The following MSI1 variants were observed in gnomAD, a reference collection of about 807,000 sequenced individuals.
The protein encoded by MSI1 is musashi RNA binding protein 1, also known as RNA-binding protein Musashi homolog 1.
Under a neutral mutation model 54.4 loss-of-function variants are expected in MSI1, and 15 were observed. The ratio of observed to expected loss-of-function variants is 0.28; its 90% CI spans 0.18 to 0.42. MSI1 has a LOEUF of 0.42. MSI1 is among the 20% of genes least tolerant of loss of function. The pLI is 1.00. For missense variants in MSI1, 304 were observed against 506.0 expected (o/e 0.60, Z 3.83); for synonymous variants, 200 against 196.5 (o/e 1.02, Z -0.15).
At chr12:120,355,344 C>T (rs1275724209) in intron 9 of MSI1, among the ~76,000 whole-genome samples, 1 of 149,512 alleles carries the variant, frequency 6.7e-6, no homozygotes, top group African/African-American at 2.5e-5. Flanking sequence ...GGCGGAGCTT[C>T]CAGTGAGCCA....
intron 12 of MSI1, 118 bp downstream of exon 12, chr12:120,347,328 T>C: frequency 2.5e-6 from 3 of 1,202,572 alleles, no homozygotes; most frequent in South Asian, 1.3e-5. Flanking sequence ...CAGGTGATAC[T>C]TGAGTGAATG....
chr12:120,357,286 G>A (rs1042102617), intron 8 of MSI1, among the ~76,000 whole-genome samples: 2 of 152,148 alleles, frequency 1.3e-5, no homozygotes, highest in Non-Finnish European at 2.9e-5. Context: ...GGAAACTGAG[G>A]CTCAGAGAAG....
At chr12:120,352,017 T>TA (rs34535893) in intron 10 of MSI1, among the ~76,000 whole-genome samples, 113 of 125,476 alleles carry the variant, frequency 9.0e-4, no homozygotes, top group East Asian at 1.9e-3. Context: ...CCTTTTTATT[T>TA]AAAAAAAAAA....
chr12:120,355,400 C>T (rs1875018098), intron 9 of MSI1, among the ~76,000 whole-genome samples: 1 of 67,994 alleles, frequency 1.5e-5, no homozygotes, highest in African/African-American at 6.6e-5. Context: ...GAGACTCCGT[C>T]TCAAAAAAAA....
At chr12:120,345,324 T>A (rs549649703) in intron 14 of MSI1, among the ~76,000 whole-genome samples, 7 of 152,176 alleles carry the variant, frequency 4.6e-5, no homozygotes, top group Non-Finnish European at 2.9e-5. Context: ...TCAAAAATAA[T>A]AATAATAATA....
chr12:120,365,980 C>T (rs2238160), intron 4 of MSI1, among the ~76,000 whole-genome samples: 57,970 of 152,038 alleles, frequency 0.38, 13,577 homozygotes, highest in South Asian at 0.55. Flanking sequence ...ACCAGCAGGC[C>T]ACCTTTGCCC....
At position 120,368,686 on chromosome 12, in the gene MSI1, C is replaced by T; in HGVS notation, c.100+147G>A. On this transcript the variant is annotated intron_variant, in intron 2 of 14. Transcript: ENST00000257552. The surrounding 1 kb of genome is among the most constrained non-coding windows in gnomAD (Gnocchi z 6.6). Reference sequence around the variant, plus strand: ...GTGCGCTCGCGGATCGCCCTGCGCTCTCGGGGTCTCCGGGCGGGGCGCGAA... The same window carrying T: ...GTGCGCTCGCGGATCGCCCTGCGCTTTCGGGGTCTCCGGGCGGGGCGCGAA... 1 of 689,106 alleles carries T rather than the reference C, an allele frequency of 1.5e-6. No homozygotes were observed. The highest frequency in any genetic ancestry group is 2.0e-6 in the Non-Finnish European group (1 of 504,868). The allele number at this position is 689,106 out of a possible 1,614,324, so 42.7% of individuals were successfully genotyped here. A position where few individuals can be genotyped will look rare whatever the true frequency, so the allele number is the denominator to read the frequency against.
rs1876198921 is a variant in MSI1 at position 120,368,773 on chromosome 12, G to A, written c.100+60C>T. The A allele has an allele frequency of 1.5e-6, 2 of 1,343,348 alleles. No homozygotes were observed. Among genetic ancestry groups the A allele is most frequent in the African/African-American group, 3.1e-5 (2 of 65,096 alleles). The allele number at this position is 1,343,348 out of a possible 1,614,324, so 83.2% of individuals were successfully genotyped here. On this transcript the variant is annotated intron_variant, in intron 2 of 14. Transcript: ENST00000257552. The surrounding 1 kb of genome is among the most constrained non-coding windows in gnomAD (Gnocchi z 6.6). ...GGGCCGGGCTGGGGTGTCCGGGTCC[G>A]GGGCGCCGGGGGGTCCGGGGTGCCC...
chr12:120,365,226 C>T (rs1416575898), intron 4 of MSI1, among the ~76,000 whole-genome samples: 1 of 152,120 alleles, frequency 6.6e-6, no homozygotes, highest in Non-Finnish European at 1.5e-5. Context: ...AGCATTTAGA[C>T]CCTAACGTCC....
Position 120,368,318 on chromosome 12 carries a change from C to CG in MSI1, c.101-46_101-45insC. ...TTCGGACCAGCCCGGGCCCCGCGCCCTTCCCCCCCCCCCGTCCTTTGCCCC... is the reference window on the plus strand; with the variant it reads ...TTCGGACCAGCCCGGGCCCCGCGCCCGTTCCCCCCCCCCCGTCCTTTGCCCC... On this transcript the variant is annotated intron_variant, in intron 2 of 14. Coordinates refer to ENST00000257552, the MANE Select transcript of MSI1 (RefSeq NM_002442.4). This position sits in a 1 kb window ranked among gnomAD's most constrained non-coding sequence, Gnocchi z 6.6. 6.9e-7 allele frequency: 1 copy of CG among 1,448,692 alleles called. No individual in the cohort carries two copies. The highest frequency in any genetic ancestry group is 9.1e-7 in the Non-Finnish European group (1 of 1,103,112). 89.7% of individuals were successfully genotyped at this position (1,448,692 alleles called of 1,614,324 possible).
chr12:120,368,527 G>A lies in MSI1; in HGVS notation c.101-254C>T, dbSNP rs917197015. Among the ~76,000 whole-genome samples, 6 of 152,028 alleles carry A rather than the reference G, an allele frequency of 3.9e-5. No individual in the cohort carries two copies. Among genetic ancestry groups the A allele is most frequent in the African/African-American group, 1.4e-4 (6 of 41,424 alleles). On this transcript the variant is annotated intron_variant, in intron 2 of 14. Coordinates refer to ENST00000257552, the MANE Select transcript of MSI1 (RefSeq NM_002442.4). The surrounding 1 kb of genome is among the most constrained non-coding windows in gnomAD (Gnocchi z 6.6). ...GCTCCGGCCGGGTTCCCGCCGCTCC[G>A]GGAGCAGCCTCACAAAAGTTTGAGC...
intron 10 of MSI1, among the ~76,000 whole-genome samples, chr12:120,352,371 TC>T (rs1224004192): frequency 6.6e-6 from 1 of 151,566 alleles, no homozygotes; most frequent in Non-Finnish European, 1.5e-5. Context: ...ATCCTCTTCT[TC>T]TTGTGTGTGT....
chr12:120,364,847 C>G, intron 4 of MSI1, 92 bp from the exon 5 acceptor site: 1 of 1,115,964 alleles, frequency 9.0e-7, no homozygotes, highest in Non-Finnish European at 1.3e-6. Flanking sequence ...CCTCTCTCCT[C>G]CCAGGACACA....
intron 5 of MSI1, among the ~76,000 whole-genome samples, chr12:120,364,215 G>A (rs3782901): frequency 0.13 from 20,253 of 152,174 alleles, 1,672 homozygotes; most frequent in East Asian, 0.46. Context: ...CATTGAGAAA[G>A]CAGCCACAGA....
chr12:120,369,106 G>A lies in MSI1; in HGVS notation c.-15C>T. 9.9e-7 allele frequency: 1 copy of A among 1,010,512 alleles called. No individual in the cohort carries two copies. The highest frequency in any genetic ancestry group is 1.2e-6 in the Non-Finnish European group (1 of 851,114). 62.6% of individuals were successfully genotyped at this position (1,010,512 alleles called of 1,614,324 possible). ...TCAGTCTCCATCGGGAGCCGCGGGC[G>A]GCGCGGGCAGCGGAGCGGCGGCGGC... On this transcript the variant is annotated 5_prime_UTR_variant, in exon 1 of 15. Coordinates refer to ENST00000257552, the MANE Select transcript of MSI1 (RefSeq NM_002442.4).
chr12:120,351,909 T>C (rs1874642300), intron 10 of MSI1, among the ~76,000 whole-genome samples: 1 of 150,766 alleles, frequency 6.6e-6, no homozygotes, highest in South Asian at 2.1e-4. Flanking sequence ...GGGGTTTCAC[T>C]GTATTAGCCA....
chr12:120,367,884 TACTC>T (rs1876114474), intron 4 of MSI1, 120 bp downstream of exon 4: 5 of 937,922 alleles, frequency 5.3e-6, no homozygotes, highest in Non-Finnish European at 7.9e-6. Context: ...GCAGCCCTCT[TACTC>T]AGAAAAACTC....
chr12:120,358,811 G>A (rs894536471), intron 7 of MSI1, among the ~76,000 whole-genome samples, 194 bp downstream of exon 7: 1 of 152,146 alleles, frequency 6.6e-6, no homozygotes, highest in African/African-American at 2.4e-5. Flanking sequence ...TGTTCGTCTC[G>A]TGTGTCTGCA....
At chr12:120,345,092 C>T (rs1317989169) in intron 14 of MSI1, among the ~76,000 whole-genome samples, 1 of 152,014 alleles carries the variant, frequency 6.6e-6, no homozygotes, top group Non-Finnish European at 1.5e-5. Flanking sequence ...TGGCTCACAC[C>T]TGTAATCCCA....
Sources: gnomAD v4.1 joint callset for allele counts (sites outside exome capture counted in the v4.1 genomes callset) on GRCh38, gnomAD v4.1.1 for gene constraint, Gnocchi (gnomAD v3.1) non-coding constraint, MANE v1.5 for transcripts, NCBI Gene and HGNC (gene_info 2026-07-23, HGNC 2026-07-21) for gene names.